The following GALNT13 variants were observed in gnomAD, a reference collection of about 807,000 sequenced individuals.
GALNT13 encodes the protein polypeptide N-acetylgalactosaminyltransferase 13.
A neutral mutation model predicts 64.2 loss-of-function variants in GALNT13; 28 were observed. The ratio of observed to expected loss-of-function variants is 0.44; its 90% CI spans 0.32 to 0.60. GALNT13 has a LOEUF of 0.60. GALNT13 is among the 20% of genes least tolerant of loss of function. GALNT13 has a pLI of 0.05. For missense variants in GALNT13, 577 were observed against 669.8 expected, an observed-to-expected ratio of 0.86 and a Z score of 1.53; for synonymous variants, 214 against 224.6, an observed-to-expected ratio of 0.95 and a Z score of 0.42.
At chr2:153,329,264 C>T in the GALNT13 span, among the ~76,000 whole-genome samples, 3 of 152,238 alleles carry the variant, frequency 2.0e-5, no homozygotes, top group Admixed American at 6.5e-5. Context: ...TCTTGCCAGC[C>T]TCCCCAATTT....
chr2:154,376,968 G>T (rs1698028295), intron 9 of GALNT13, among the ~76,000 whole-genome samples: 1 of 151,982 alleles, frequency 6.6e-6, no homozygotes, highest in Admixed American at 6.6e-5. Context: ...TTCCTGTCAG[G>T]GTTACTGTAG....
chr2:153,570,044 A>G, the GALNT13 span, among the ~76,000 whole-genome samples: 4 of 152,138 alleles, frequency 2.6e-5, no homozygotes, highest in African/African-American at 9.6e-5. Context: ...GCATTCTTAC[A>G]AATTTACATT....
chr2:153,097,279 C>A, the GALNT13 span, among the ~76,000 whole-genome samples: 3 of 151,862 alleles, frequency 2.0e-5, no homozygotes, highest in African/African-American at 2.4e-5. Context: ...ATTTTTTCTA[C>A]CTAGGATAAG....
chr2:154,174,836 C>T (rs914886280), intron 4 of GALNT13, among the ~76,000 whole-genome samples: 8 of 152,162 alleles, frequency 5.3e-5, no homozygotes, highest in South Asian at 4.1e-4. Context: ...AATATTATCA[C>T]GTTTTTCTAG....
chr2:153,447,657 C>T, the GALNT13 span, among the ~76,000 whole-genome samples: 1 of 152,126 alleles, frequency 6.6e-6, no homozygotes, highest in Admixed American at 6.6e-5. Context: ...ATAGCAAATT[C>T]TAGCTCTGTT....
At chr2:153,453,209 G>A in the GALNT13 span, among the ~76,000 whole-genome samples, 1 of 152,064 alleles carries the variant, frequency 6.6e-6, no homozygotes, top group Non-Finnish European at 1.5e-5. Context: ...GTTGGCCTTG[G>A]GAAGGAATTT....
At chr2:153,400,523 T>A in the GALNT13 span, among the ~76,000 whole-genome samples, 6 of 152,322 alleles carry the variant, frequency 3.9e-5, no homozygotes, top group African/African-American at 1.4e-4. Flanking sequence ...CTTGTACCTC[T>A]GGTAGAATTC....
Position 154,139,405 on chromosome 2 carries a change from A to G in GALNT13, c.143-932A>G, listed in dbSNP as rs531825468. 5.3e-5 allele frequency among the ~76,000 whole-genome samples: 8 copies of G among 152,084 alleles called. No homozygotes were observed. In the East Asian group the frequency reaches 1.5e-3, roughly 29 times the overall value. On this transcript the variant is annotated intron_variant, in intron 3 of 12. Coordinates refer to ENST00000392825, the MANE Select transcript of GALNT13 (RefSeq NM_052917.4). ...CCTAAATATGTGCCTTTTAATTTAT[A>G]TGGAAATTAAACTCAGTAAGATTAA... is the stretch of plus-strand genomic sequence containing the variant.
chr2:153,993,674 C>T (rs7578311), intron 3 of GALNT13, among the ~76,000 whole-genome samples: 4 of 133,796 alleles, frequency 3.0e-5, no homozygotes, highest in South Asian at 2.4e-4. Context: ...TCAGCCTGGG[C>T]GACAGAGCAA....
At chr2:153,675,453 C>T in the GALNT13 span, among the ~76,000 whole-genome samples, 1 of 152,046 alleles carries the variant, frequency 6.6e-6, no homozygotes, top group Non-Finnish European at 1.5e-5. Flanking sequence ...GACAGAAAAC[C>T]AAACACCGCA....
chr2:153,716,397 T>A, the GALNT13 span, among the ~76,000 whole-genome samples: 5 of 152,160 alleles, frequency 3.3e-5, no homozygotes, highest in African/African-American at 1.2e-4. Context: ...GGTGATAGTG[T>A]ATTTTATGAG....
At chr2:154,398,312 C>T (rs1023703980) in intron 10 of GALNT13, among the ~76,000 whole-genome samples, 2 of 152,170 alleles carry the variant, frequency 1.3e-5, no homozygotes, top group Admixed American at 1.3e-4. Flanking sequence ...TTTGGAAATC[C>T]TCTGGGGCCA....
chr2:153,148,671 T>C, the GALNT13 span, among the ~76,000 whole-genome samples: 1 of 151,674 alleles, frequency 6.6e-6, no homozygotes, highest in South Asian at 2.1e-4. Context: ...TGCTATCACT[T>C]AGATTCCATT....
At chr2:154,399,120 A>G (rs975522962) in intron 10 of GALNT13, among the ~76,000 whole-genome samples, 5 of 152,178 alleles carry the variant, frequency 3.3e-5, no homozygotes, top group Non-Finnish European at 7.3e-5. Context: ...TTTTTATTAA[A>G]TAACTAAGAG....
chr2:153,753,647 G>A, the GALNT13 span, among the ~76,000 whole-genome samples: 7 of 152,200 alleles, frequency 4.6e-5, no homozygotes, highest in Admixed American at 1.3e-4. Flanking sequence ...GGAATGACAC[G>A]AGCACCCCTG....
intron 3 of GALNT13, among the ~76,000 whole-genome samples, chr2:154,056,349 C>A (rs906053395): frequency 2.0e-5 from 3 of 152,010 alleles, no homozygotes; most frequent in African/African-American, 4.8e-5. Context: ...TCATATTCAT[C>A]ATAGAAAAAT....
At chr2:153,338,410 A>T in the GALNT13 span, among the ~76,000 whole-genome samples, 1 of 152,242 alleles carries the variant, frequency 6.6e-6, no homozygotes, top group Admixed American at 6.5e-5. Flanking sequence ...AACTGGGATT[A>T]AAACTTAGTA....
At chr2:154,096,499 T>C (rs1702077459) in intron 3 of GALNT13, among the ~76,000 whole-genome samples, 1 of 152,072 alleles carries the variant, frequency 6.6e-6, no homozygotes, top group South Asian at 2.1e-4. Flanking sequence ...TCATTTCTTG[T>C]ATATACAAAG....
chr2:154,322,433 G>A (rs1231354863), intron 9 of GALNT13, among the ~76,000 whole-genome samples: 1 of 151,966 alleles, frequency 6.6e-6, no homozygotes, highest in Non-Finnish European at 1.5e-5. Context: ...GGCACTAGGA[G>A]CAAGAGCCAA....
Sources: allele counts gnomAD v4.1 joint callset (sites outside exome capture counted in the v4.1 genomes callset), GRCh38; gene constraint gnomAD v4.1.1; transcripts MANE v1.5; gene names NCBI Gene and HGNC (gene_info 2026-07-23, HGNC 2026-07-21).